Variants in BTRC observed in about 807,000 individuals in gnomAD.
BTRC encodes the protein beta-transducin repeat containing E3 ubiquitin protein ligase.
Under a neutral mutation model 85.5 loss-of-function variants are expected in BTRC, and 42 were observed. The ratio of observed to expected loss-of-function variants is 0.49; its 90% CI spans 0.38 to 0.64. BTRC has a LOEUF of 0.64. Ranked by LOEUF, BTRC falls within the 30% of genes least tolerant of loss-of-function variation. The probability of loss-of-function intolerance (pLI) is 0.00; values close to 1 mark genes in which losing one functional copy is unlikely to be tolerated. For missense variants in BTRC, 594 were observed against 743.5 expected (o/e 0.80, Z 2.34); for synonymous variants, 255 against 263.3 (o/e 0.97, Z 0.30).
chr10:101,417,065 T>C (rs1943965564), intron 1 of BTRC, among the ~76,000 whole-genome samples: 1 of 152,146 alleles, frequency 6.6e-6, no homozygotes, highest in Non-Finnish European at 1.5e-5. Flanking sequence ...TCCCATCACC[T>C]CTGAATTCTC....
rs1283996767 is a variant in BTRC at position 101,456,060 on chromosome 10, A to G, written c.157-5921A>G. On this transcript the variant is annotated intron_variant, in intron 2 of 14. Coordinates refer to ENST00000370187, the MANE Select transcript of BTRC (RefSeq NM_033637.4). The stretch of plus-strand genomic sequence containing the variant: ...GTGGCGCATGCCTGTAATCCCAGCT[A>G]CTCGGGAGGCTGAGGCAGGAGAATC... Among the ~76,000 whole-genome samples the G allele has an allele frequency of 8.9e-5, 13 of 146,858 alleles. No homozygotes were observed. The Admixed American group carries it at 9.0e-4, about 10-fold the overall frequency.
chr10:101,447,922 CA>C (rs571290887), intron 2 of BTRC, among the ~76,000 whole-genome samples: 40 of 151,228 alleles, frequency 2.6e-4, no homozygotes, highest in South Asian at 4.2e-4. Context: ...TTAATATTTC[CA>C]AAAAAAACCA....
intron 1 of BTRC, among the ~76,000 whole-genome samples, chr10:101,427,566 T>C (rs780355910): frequency 6.6e-5 from 10 of 151,724 alleles, no homozygotes; most frequent in Non-Finnish European, 1.5e-4. Flanking sequence ...CTTGCTTTGT[T>C]GCCCAGGCTG....
At chr10:101,360,790 C>T (rs796812575) in intron 1 of BTRC, among the ~76,000 whole-genome samples, 1 of 152,164 alleles carries the variant, frequency 6.6e-6, no homozygotes, top group Non-Finnish European at 1.5e-5. Flanking sequence ...TGCCACCACT[C>T]GCAGCCTAAA....
At chr10:101,531,420 TAA>T in intron 7 of BTRC, 87 bp downstream of exon 7, 1 of 1,031,578 alleles carries the variant, frequency 9.7e-7, no homozygotes, top group Non-Finnish European at 1.4e-6. Context: ...GCAAGCCCAT[TAA>T]GGTTTATTGA....
intron 2 of BTRC, among the ~76,000 whole-genome samples, chr10:101,439,655 C>G (rs963064392): frequency 1.3e-5 from 2 of 152,184 alleles, no homozygotes; most frequent in Non-Finnish European, 2.9e-5. Flanking sequence ...GCCTTAAATG[C>G]ATGAAAAGGG....
chr10:101,466,021 T>A (rs1193093716), intron 3 of BTRC, among the ~76,000 whole-genome samples: 1 of 152,236 alleles, frequency 6.6e-6, no homozygotes, highest in African/African-American at 2.4e-5. Flanking sequence ...CTTTTATTCC[T>A]ATCTGCAATC....
In BTRC at chr10:101,479,423, G is replaced by A; in HGVS notation, c.290G>A (p.Ser97Asn). Residue 97 changes from serine (S) to asparagine (N), a missense_variant, in exon 4 of 15, where the codon AGC becomes AAC. Ser to Asn is a conservative substitution (Grantham distance 46). Coordinates refer to ENST00000370187, the MANE Select transcript of BTRC (RefSeq NM_033637.4). ...CLNQETVCLASTAMKTENCVA... is the reference protein window; with the variant it reads ...CLNQETVCLANTAMKTENCVA... ...AACCAAGAAACAGTATGTTTAGCAA[G>A]CACTGCTATGAAGACTGAGAATTGT... 6.2e-7 allele frequency: 1 copy of A among 1,613,296 alleles called. No individual in the cohort carries two copies. Among genetic ancestry groups the A allele is most frequent in the South Asian group, 1.1e-5 (1 of 91,062 alleles).
Position 101,555,855 on chromosome 10 carries a change from G to C in BTRC, c.*2732G>C, listed in dbSNP as rs1009328181. ...TAAAGGAAACCTTTCTTAAAGACAG[G>C]CTGAAACCCCTTCAAAGGCAGATGA... On this transcript the variant is annotated 3_prime_UTR_variant, in exon 15 of 15. Transcript: ENST00000370187. 1.3e-5 allele frequency: 2 copies of C among 152,168 alleles called. No individual in the cohort carries two copies. The highest frequency in any genetic ancestry group is 2.9e-5 in the Non-Finnish European group (2 of 68,036). 9.4% of individuals were successfully genotyped at this position (152,168 alleles called of 1,614,324 possible).
chr10:101,441,963 TTTAA>T (rs988429047), intron 2 of BTRC, among the ~76,000 whole-genome samples: 3 of 151,576 alleles, frequency 2.0e-5, no homozygotes, highest in African/African-American at 4.9e-5. Context: ...AATAATGTAA[TTTAA>T]TTACTGCCTA....
intron 1 of BTRC, among the ~76,000 whole-genome samples, chr10:101,395,509 G>T (rs1469430998): frequency 2.0e-5 from 3 of 151,968 alleles, no homozygotes; most frequent in Non-Finnish European, 4.4e-5. Context: ...AATTAATTTT[G>T]CTCTTAACAT....
At chr10:101,397,036 A>G (rs949556408) in intron 1 of BTRC, among the ~76,000 whole-genome samples, 5 of 152,104 alleles carry the variant, frequency 3.3e-5, no homozygotes, top group African/African-American at 1.2e-4. Context: ...AGTCCTGACC[A>G]CAGGTGATCC....
chr10:101,515,477 A>T (rs375230167), intron 4 of BTRC, among the ~76,000 whole-genome samples: 43 of 151,946 alleles, frequency 2.8e-4, no homozygotes, highest in East Asian at 1.4e-3. Flanking sequence ...GCAATGTTTT[A>T]TAGTTTTCAA....
chr10:101,387,528 C>CTTTTTTTTGTTTTTTTTTT lies in BTRC; in HGVS notation c.48+33308_48+33309insGTTTTTTTTTTTTTTTTTT, dbSNP rs1943111551. ...TGTGGCTTTTTATACCTTCATGGGA[C>CTTTTTTTTGTTTTTTTTTT]TTTTTTTTTTTTTTTTTTGAGATAG... On this transcript the variant is annotated intron_variant, in intron 1 of 14. Coordinates refer to ENST00000370187, the MANE Select transcript of BTRC (RefSeq NM_033637.4). 4.4e-5 allele frequency among the ~76,000 whole-genome samples: 2 copies of CTTTTTTTTGTTTTTTTTTT among 45,122 alleles called. 1 individual carries two copies. Among genetic ancestry groups the CTTTTTTTTGTTTTTTTTTT allele is most frequent in the Non-Finnish European group, 6.9e-5 (2 of 29,038 alleles). The allele number at this position is 45,122 out of a possible 152,430, so 29.6% of individuals were successfully genotyped here. A position where few individuals can be genotyped will look rare whatever the true frequency, so the allele number is the denominator to read the frequency against.
At chr10:101,392,842 TC>T (rs977761415) in intron 1 of BTRC, among the ~76,000 whole-genome samples, 1 of 152,176 alleles carries the variant, frequency 6.6e-6, no homozygotes. Flanking sequence ...GTTTTAATAT[TC>T]CCCCTGTGGT....
At chr10:101,550,524 C>A (rs1303179898) in intron 13 of BTRC, among the ~76,000 whole-genome samples, 175 bp from the exon 14 acceptor site, 1 of 152,038 alleles carries the variant, frequency 6.6e-6, no homozygotes, top group Non-Finnish European at 1.5e-5. Flanking sequence ...CCTCGTGATC[C>A]GCATGCCTCA....
chr10:101,542,593 A>G (rs1212354290), intron 13 of BTRC, among the ~76,000 whole-genome samples: 3 of 152,150 alleles, frequency 2.0e-5, no homozygotes, highest in Non-Finnish European at 4.4e-5. Context: ...TTTGTTTGAG[A>G]CAGGGTATCA....
At chr10:101,477,660 T>C (rs1945725510) in intron 3 of BTRC, among the ~76,000 whole-genome samples, 1 of 152,092 alleles carries the variant, frequency 6.6e-6, no homozygotes, top group Non-Finnish European at 1.5e-5. Flanking sequence ...TTCTTTCTTT[T>C]TTATTTGGAG....
intron 3 of BTRC, among the ~76,000 whole-genome samples, chr10:101,475,241 C>CTGTTTA (rs1000907469): frequency 9.9e-5 from 15 of 152,202 alleles, no homozygotes; most frequent in Admixed American, 9.2e-4. Context: ...AAGGTTTAGC[C>CTGTTTA]TGTTTAAAAG....
Sources: gnomAD v4.1 joint callset for allele counts (sites outside exome capture counted in the v4.1 genomes callset) on GRCh38, gnomAD v4.1.1 for gene constraint, MANE v1.5 for transcripts, NCBI Gene and HGNC (gene_info 2026-07-23, HGNC 2026-07-21) for gene names.